The following MCCC2 variants were observed in gnomAD, a reference collection of about 807,000 sequenced individuals.
The protein encoded by MCCC2 is methylcrotonoyl-CoA carboxylase beta chain, mitochondrial.
A neutral mutation model predicts 77.2 loss-of-function variants in MCCC2; 52 were observed. That is an observed-to-expected ratio of 0.67 (90% CI 0.54 to 0.85). The LOEUF (loss-of-function observed/expected upper bound fraction) is 0.85. Ranked by LOEUF, MCCC2 falls within the 40% of genes least tolerant of loss-of-function variation. The pLI, the probability that MCCC2 is intolerant of heterozygous loss-of-function variation, is 0.00. For synonymous variants in MCCC2, 253 were observed against 248.4 expected (o/e 1.02, Z -0.18); for missense variants, 682 against 703.2 (o/e 0.97, Z 0.34).
At chr5:71,610,715 G>A (rs955453639) in intron 6 of MCCC2, among the ~76,000 whole-genome samples, 106 of 152,252 alleles carry the variant, frequency 7.0e-4, no homozygotes, top group Non-Finnish European at 1.2e-3. Context: ...GGCCAGGCGC[G>A]GTGGCTCACG....
chr5:71,634,987 C>T lies in MCCC2; in HGVS notation c.848C>T (p.Ala283Val), dbSNP rs1025436330. 1.2e-6 allele frequency: 2 copies of T among 1,614,032 alleles called. No individual in the cohort carries two copies. Among genetic ancestry groups the T allele is most frequent in the Non-Finnish European group, 1.7e-6 (2 of 1,180,002 alleles). ...CACTGGGCTTTGGATGATCATCATG[C>T]CCTTCACTTAACTAGGAAGGTTGTG... ...SDHWALDDHH[A>V]LHLTRKVVRN... The change falls in exon 9 of 17, where the codon GCC becomes GTC. Residue 283 changes from alanine (A) to valine (V), a missense_variant. Physicochemically the swap from Ala to Val is moderately conservative, Grantham distance 64. Transcript: ENST00000340941.
intron 4 of MCCC2, among the ~76,000 whole-genome samples, chr5:71,600,381 C>T (rs1045961639): frequency 2.0e-5 from 3 of 151,644 alleles, no homozygotes; most frequent in South Asian, 2.1e-4. Flanking sequence ...AGGCTAATCT[C>T]GAACTTCTGG....
At position 71,650,871 on chromosome 5, in the gene MCCC2, G is replaced by A. The variant is rs555274758; in HGVS notation, c.1488+688G>A. On this transcript the variant is annotated intron_variant, in intron 15 of 16. Coordinates refer to ENST00000340941, the MANE Select transcript of MCCC2 (RefSeq NM_022132.5). ...TCACTGTGTTAGCCAGGATGGTCTC[G>A]ATCTCCTGCCCTTGTGATCCACTCG... Among the ~76,000 whole-genome samples, 21 of 152,248 alleles carry A rather than the reference G, an allele frequency of 1.4e-4. No individual in the cohort carries two copies. In the South Asian group the frequency reaches 4.4e-3, roughly 32 times the overall value.
intron 5 of MCCC2, 33 bp downstream of exon 5, chr5:71,602,666 T>C: frequency 6.2e-7 from 1 of 1,614,114 alleles, no homozygotes; most frequent in Non-Finnish European, 8.5e-7. Context: ...TAAACTATTA[T>C]TAGCTGGTAA....
At chr5:71,643,014 A>C (rs1747169754) in intron 11 of MCCC2, among the ~76,000 whole-genome samples, 1 of 151,560 alleles carries the variant, frequency 6.6e-6, no homozygotes, top group Non-Finnish European at 1.5e-5. Flanking sequence ...TAAATAGATA[A>C]ATAAGAACAT....
At chr5:71,622,042 G>A (rs1174432313) in intron 6 of MCCC2, among the ~76,000 whole-genome samples, 1 of 152,060 alleles carries the variant, frequency 6.6e-6, no homozygotes, top group African/African-American at 2.4e-5. Flanking sequence ...AGCACTTTGG[G>A]AGGTCAAGGT....
chr5:71,597,195 G>C (rs1485297729), intron 3 of MCCC2, among the ~76,000 whole-genome samples: 1 of 151,900 alleles, frequency 6.6e-6, no homozygotes, highest in Non-Finnish European at 1.5e-5. Context: ...CAAAGGCCCT[G>C]AGGTGGGAGT....
At chr5:71,616,014 A>G (rs1746144925) in intron 6 of MCCC2, among the ~76,000 whole-genome samples, 1 of 152,156 alleles carries the variant, frequency 6.6e-6, no homozygotes, top group South Asian at 2.1e-4. Flanking sequence ...ATAATTGACC[A>G]TGCCTCTGTG....
chr5:71,620,588 C>T (rs779717210), intron 6 of MCCC2, among the ~76,000 whole-genome samples: 1 of 152,158 alleles, frequency 6.6e-6, no homozygotes, highest in Non-Finnish European at 1.5e-5. Context: ...TTCCATGGGG[C>T]AGGCTGTTGA....
chr5:71,632,239 G>A (rs776927087), intron 8 of MCCC2, 54 bp downstream of exon 8: 48 of 1,579,868 alleles, frequency 3.0e-5, no homozygotes, highest in Non-Finnish European at 4.1e-5. Flanking sequence ...TTGTTTGTTT[G>A]TTTAAAAGAA....
At chr5:71,598,606 AT>A (rs34190236) in intron 3 of MCCC2, among the ~76,000 whole-genome samples, 38,172 of 115,256 alleles carry the variant, frequency 0.33, 4,755 homozygotes, top group East Asian at 0.47. Context: ...CGCCTGGCTA[AT>A]TTTTTTTTTT....
rs1217618884 is a variant in MCCC2 at position 71,657,233 on chromosome 5, A to G, written c.*373A>G. On this transcript the variant is annotated 3_prime_UTR_variant, in exon 17 of 17. Transcript: ENST00000340941. ...CACTGAAATGATTGTTTTGCTGGTT[A>G]TGCTTGGTGATATTTTAGCGGGCTT... 2 of 241,602 alleles carry G rather than the reference A, an allele frequency of 8.3e-6. No homozygotes were observed. Among genetic ancestry groups the G allele is most frequent in the Non-Finnish European group, 1.6e-5 (2 of 122,200 alleles). 15.0% of individuals were successfully genotyped at this position (241,602 alleles called of 1,614,324 possible).
chr5:71,602,904 T>G (rs1467218282), intron 5 of MCCC2: 5 of 451,492 alleles, frequency 1.1e-5, no homozygotes, highest in African/African-American at 9.9e-5. Context: ...GTTCTCTAGA[T>G]CCTGTTTTTC....
chr5:71,628,354 T>A (rs778245016), intron 7 of MCCC2, among the ~76,000 whole-genome samples: 9 of 152,258 alleles, frequency 5.9e-5, no homozygotes, highest in Non-Finnish European at 1.3e-4. Context: ...AGTGATGTCT[T>A]CCTTTGAAGC....
chr5:71,602,658 A>G (rs1352429485), intron 5 of MCCC2, 25 bp downstream of exon 5: 3 of 1,614,038 alleles, frequency 1.9e-6, no homozygotes, highest in Middle Eastern at 1.6e-4. Context: ...TGGTAAAATA[A>G]ACTATTATTA....
intron 6 of MCCC2, among the ~76,000 whole-genome samples, chr5:71,613,711 G>A (rs924214847): frequency 2.0e-5 from 3 of 152,018 alleles, no homozygotes; most frequent in African/African-American, 4.8e-5. Flanking sequence ...ACTTCAGCCT[G>A]AGTGACAGAA....
At chr5:71,655,564 A>C (rs752909318) in intron 16 of MCCC2, among the ~76,000 whole-genome samples, 13 of 152,208 alleles carry the variant, frequency 8.5e-5, no homozygotes, top group Non-Finnish European at 1.6e-4. Flanking sequence ...ACCTGGTTGC[A>C]GATGACAAGA....
At chr5:71,630,680 T>C (rs939119266) in intron 7 of MCCC2, among the ~76,000 whole-genome samples, 1 of 152,190 alleles carries the variant, frequency 6.6e-6, no homozygotes, top group African/African-American at 2.4e-5. Flanking sequence ...GTGAAAATTT[T>C]AACTAACTCT....
At chr5:71,620,681 A>G (rs1360195872) in intron 6 of MCCC2, among the ~76,000 whole-genome samples, 1 of 152,182 alleles carries the variant, frequency 6.6e-6, no homozygotes, top group Non-Finnish European at 1.5e-5. Context: ...ATGAAATTCA[A>G]TCTAAAGCTT....
Sources: allele counts gnomAD v4.1 joint callset (sites outside exome capture counted in the v4.1 genomes callset), GRCh38; gene constraint gnomAD v4.1.1; transcripts MANE v1.5; gene names NCBI Gene and HGNC (gene_info 2026-07-23, HGNC 2026-07-21).